The following KIAA1549L variants were observed in gnomAD, a reference collection of about 807,000 sequenced individuals.
KIAA1549L encodes the protein UPF0606 protein KIAA1549L.
A neutral mutation model predicts 160.7 loss-of-function variants in KIAA1549L; 88 were observed. That is an observed-to-expected ratio of 0.55 (90% CI 0.46 to 0.65). The LOEUF (loss-of-function observed/expected upper bound fraction) is 0.65. Among genes scored for constraint, KIAA1549L ranks in the 30% least tolerant of loss-of-function variants. The pLI, the probability that KIAA1549L is intolerant of heterozygous loss-of-function variation, is 0.00. For synonymous variants in KIAA1549L, 950 were observed against 976.7 expected (o/e 0.97, Z 0.51); for missense variants, 2,258 against 2,437.5 (o/e 0.93, Z 1.55).
intron 1 of KIAA1549L, among the ~76,000 whole-genome samples, chr11:33,501,037 T>C (rs922132132): frequency 3.9e-5 from 6 of 152,112 alleles, no homozygotes; most frequent in African/African-American, 1.4e-4. Flanking sequence ...ATCCACTTAT[T>C]GCTGTCCGTG....
intron 16 of KIAA1549L, among the ~76,000 whole-genome samples, chr11:33,640,852 A>G (rs2133393935): frequency 6.6e-6 from 1 of 152,358 alleles, no homozygotes; most frequent in East Asian, 1.9e-4. Context: ...TGAGTTTCTC[A>G]GAGCTTTTCA....
intron 13 of KIAA1549L, among the ~76,000 whole-genome samples, chr11:33,603,800 C>A (rs1364057606): frequency 2.0e-5 from 3 of 149,976 alleles, no homozygotes; most frequent in Non-Finnish European, 4.4e-5. Flanking sequence ...GAGCAAGACT[C>A]CACCAAAAAA....
intron 15 of KIAA1549L, among the ~76,000 whole-genome samples, chr11:33,614,531 G>GCTATATAT (rs879500574): frequency 0.019 from 528 of 27,098 alleles, 196 homozygotes; most frequent in East Asian, 0.054. Context: ...AGTGTAACAA[G>GCTATATAT]ATATATATAT....
Position 33,559,873 on chromosome 11 carries a change from G to T in KIAA1549L, c.3980G>T (p.Gly1327Val), listed in dbSNP as rs779942373. The change falls in exon 7 of 21, where the codon GGA becomes GTA. Residue 1327 changes from glycine (G) to valine (V), a missense_variant. Around this residue, in one of 6 missense-constraint regions of KIAA1549L, gnomAD observed 1,359 missense variants for 1,546.6 expected, o/e 0.88. Coordinates refer to ENST00000658780, the MANE Select transcript of KIAA1549L (RefSeq NM_012194.3). Reference protein sequence around the residue: ...LLSQLSAELVGFYLTYPPLTI... With the variant: ...LLSQLSAELVVFYLTYPPLTI... ...AGCCAGCTCTCGGCTGAGCTGGTGG[G>T]ATTCTACCTCACCTATCCGCCGCTA... 1 of 1,614,026 alleles carries T rather than the reference G, an allele frequency of 6.2e-7. No homozygotes were observed. Among genetic ancestry groups the T allele is most frequent in the Non-Finnish European group, 8.5e-7 (1 of 1,179,894 alleles).
At chr11:33,406,078 A>G (rs1049709830) in intron 1 of KIAA1549L, among the ~76,000 whole-genome samples, 1 of 152,286 alleles carries the variant, frequency 6.6e-6, no homozygotes, top group African/African-American at 2.4e-5. Context: ...ACTCATTACT[A>G]CAACAGTCAA....
chr11:33,667,899 C>CTACCCCCGATCACGG lies in KIAA1549L; in HGVS notation c.6194_6208dup (p.Arg2065_Pro2069dup), dbSNP rs1469072980. 6.2e-7 allele frequency: 1 copy of CTACCCCCGATCACGG among 1,613,140 alleles called. No individual in the cohort carries two copies. Among genetic ancestry groups the CTACCCCCGATCACGG allele is most frequent in the Non-Finnish European group, 8.5e-7 (1 of 1,179,588 alleles). On this transcript the variant is annotated inframe_insertion, in exon 21 of 21. Coordinates refer to ENST00000658780, the MANE Select transcript of KIAA1549L (RefSeq NM_012194.3). ...TGCCCCTCCCAGGGTACATCGAGGC[C>CTACCCCCGATCACGG]TACCCCCGATCACGGTACCCCCAGA...
At position 33,559,829 on chromosome 11, in the gene KIAA1549L, C is replaced by T. The variant is rs763535300; in HGVS notation, c.3936C>T (p.Thr1312=). 1.6e-5 allele frequency: 26 copies of T among 1,613,850 alleles called. No homozygotes were observed. The highest frequency in any genetic ancestry group is 1.3e-4 in the African/African-American group (10 of 74,936). Residue 1312 remains threonine, a synonymous_variant, in exon 7 of 21, where the codon ACC becomes ACT. Transcript: ENST00000658780. ...VGNQSTFLNG[T]VASSLLSQLS... Reference sequence around the variant, plus strand: ...ATCAGAGCACATTCCTCAACGGCACCGTCGCCAGCAGCCTCCTCAGCCAGC... The same window carrying T: ...ATCAGAGCACATTCCTCAACGGCACTGTCGCCAGCAGCCTCCTCAGCCAGC...
intron 1 of KIAA1549L, among the ~76,000 whole-genome samples, chr11:33,451,248 A>G (rs1392431808): frequency 6.6e-6 from 1 of 152,214 alleles, no homozygotes; most frequent in East Asian, 1.9e-4. Context: ...GGAAGAAGAC[A>G]TGAATTTTTC....
intron 1 of KIAA1549L, among the ~76,000 whole-genome samples, chr11:33,465,628 A>T (rs944321591): frequency 6.6e-6 from 1 of 152,198 alleles, no homozygotes; most frequent in Non-Finnish European, 1.5e-5. Context: ...CTTTTGTACA[A>T]GTGTGCGTTG....
intron 17 of KIAA1549L, among the ~76,000 whole-genome samples, chr11:33,647,040 G>A (rs4755237): frequency 0.53 from 80,855 of 152,046 alleles, 21,762 homozygotes; most frequent in Middle Eastern, 0.64. Context: ...AAATGAGTTG[G>A]TGTATGTAAG....
chr11:33,658,993 A>C (rs1590456477), intron 19 of KIAA1549L, 95 bp downstream of exon 19: 2 of 1,269,674 alleles, frequency 1.6e-6, no homozygotes, highest in South Asian at 1.6e-5. Context: ...TCTACCTACC[A>C]CCCTCAGGAA....
At position 33,583,418 on chromosome 11, in the gene KIAA1549L, A is replaced by G; in HGVS notation, c.4483A>G (p.Ile1495Val). 1.3e-6 allele frequency: 2 copies of G among 1,598,816 alleles called. No homozygotes were observed. The highest frequency in any genetic ancestry group is 1.7e-6 in the Non-Finnish European group (2 of 1,172,840). Residue 1495 changes from isoleucine to valine, a missense_variant, in exon 11 of 21, where the codon ATC (isoleucine) becomes GTC (valine). This residue lies in a region of KIAA1549L where 1,359 missense variants were observed against 1,546.6 expected (regional missense o/e 0.88). Coordinates refer to ENST00000658780, the MANE Select transcript of KIAA1549L (RefSeq NM_012194.3). Reference protein sequence around the residue: ...APIAVVTVIIIIITAVLCRKN... With the variant: ...APIAVVTVIIVIITAVLCRKN... Reference sequence around the variant, plus strand: ...CATTGCCGTGGTCACGGTCATCATCATCATCATCACTGCCGTGCTCTGCAG... The same window carrying G: ...CATTGCCGTGGTCACGGTCATCATCGTCATCATCACTGCCGTGCTCTGCAG...
At chr11:33,409,589 AG>A (rs1850745570) in intron 1 of KIAA1549L, among the ~76,000 whole-genome samples, 1 of 152,186 alleles carries the variant, frequency 6.6e-6, no homozygotes, top group South Asian at 2.1e-4. Context: ...AAATCAGTGA[AG>A]ATCAGTTGCT....
chr11:33,386,777 G>C (rs969790500), intron 1 of KIAA1549L, among the ~76,000 whole-genome samples: 1 of 151,616 alleles, frequency 6.6e-6, no homozygotes, highest in African/African-American at 2.4e-5. Context: ...TTTGCTAAAA[G>C]GTGTCTGGTT....
intron 13 of KIAA1549L, among the ~76,000 whole-genome samples, chr11:33,602,131 A>C (rs1186593423): frequency 6.6e-6 from 1 of 152,216 alleles, no homozygotes; most frequent in Non-Finnish European, 1.5e-5. Flanking sequence ...CCTTTAAAGT[A>C]TGCCCCCTTC....
chr11:33,413,438 TAA>T (rs11342768), intron 1 of KIAA1549L, among the ~76,000 whole-genome samples: 562 of 139,520 alleles, frequency 4.0e-3, no homozygotes, highest in East Asian at 4.0e-3. Flanking sequence ...ACCCTGTCTT[TAA>T]AAAAAAAAAA....
chr11:33,426,864 A>G (rs903629421), intron 1 of KIAA1549L, among the ~76,000 whole-genome samples: 1 of 152,112 alleles, frequency 6.6e-6, no homozygotes, highest in African/African-American at 2.4e-5. Context: ...CCCCTCCATT[A>G]TCATTTATAT....
chr11:33,537,322 G>C (rs966886196), intron 1 of KIAA1549L, among the ~76,000 whole-genome samples: 3 of 152,142 alleles, frequency 2.0e-5, no homozygotes, highest in Non-Finnish European at 4.4e-5. Context: ...AAAAATGCTG[G>C]TGTCCATATC....
At position 33,602,599 on chromosome 11, in the gene KIAA1549L, CA is replaced by C. The variant is rs562375488; in HGVS notation, c.4879+3654del. Among the ~76,000 whole-genome samples the C allele has an allele frequency of 9.2e-5, 14 of 152,294 alleles. No homozygotes were observed. In the East Asian group the frequency reaches 2.5e-3, roughly 27 times the overall value. On this transcript the variant is annotated intron_variant, in intron 13 of 20. Coordinates refer to ENST00000658780, the MANE Select transcript of KIAA1549L (RefSeq NM_012194.3). ...CTGAAATTAAAAACAACAGTAAAAA[CA>C]AGGCACAATCAGATACAAGATAACT...
Sources: gnomAD v4.1 joint callset for allele counts (sites outside exome capture counted in the v4.1 genomes callset) on GRCh38, gnomAD v4.1.1 for gene constraint, gnomAD v4.1.1 regional missense constraint, MANE v1.5 for transcripts, NCBI Gene and HGNC (gene_info 2026-07-23, HGNC 2026-07-21) for gene names.